The following PLXNA4 variants were observed in gnomAD, a reference collection of about 807,000 sequenced individuals.
PLXNA4 encodes the protein plexin A4, also known as plexin-A4.
Under a neutral mutation model 191.8 loss-of-function variants are expected in PLXNA4, and 44 were observed. The observed-to-expected ratio is 0.23, with a 90% CI of 0.18 to 0.29. The LOEUF is 0.29. Ranked by LOEUF, PLXNA4 falls within the 10% of genes least tolerant of loss-of-function variation. The pLI, the probability that PLXNA4 is intolerant of heterozygous loss-of-function variation, is 1.00. For missense variants in PLXNA4, 1,800 were observed against 2,488.8 expected, an observed-to-expected ratio of 0.72 and a Z score of 5.89; for synonymous variants, 1,082 against 1,009.5, an observed-to-expected ratio of 1.07 and a Z score of -1.36.
chr7:132,158,187 A>G (rs1404523246), intron 25 of PLXNA4, among the ~76,000 whole-genome samples: 1 of 152,256 alleles, frequency 6.6e-6, no homozygotes, highest in Non-Finnish European at 1.5e-5. Flanking sequence ...TAAATGAAGA[A>G]GTGAGAATTT....
chr7:132,391,637 G>A (rs574464301), intron 3 of PLXNA4, among the ~76,000 whole-genome samples: 57 of 152,312 alleles, frequency 3.7e-4, no homozygotes, highest in Admixed American at 3.4e-3. Context: ...CAGCAGGGGT[G>A]GACAGTGGGT....
At chr7:132,271,867 C>T (rs1033111195) in intron 4 of PLXNA4, among the ~76,000 whole-genome samples, 17 of 151,880 alleles carry the variant, frequency 1.1e-4, no homozygotes, top group African/African-American at 2.9e-4. Flanking sequence ...GCTCAAATTA[C>T]GTGGTGGTAA....
intron 30 of PLXNA4, among the ~76,000 whole-genome samples, chr7:132,138,272 T>C (rs553942854): frequency 6.6e-6 from 1 of 152,262 alleles, no homozygotes; most frequent in Non-Finnish European, 1.5e-5. Flanking sequence ...GAGGACTGTC[T>C]CCATTTGACC....
At chr7:132,443,194 T>G (rs1479146319) in intron 3 of PLXNA4, among the ~76,000 whole-genome samples, 1 of 152,202 alleles carries the variant, frequency 6.6e-6, no homozygotes, top group Non-Finnish European at 1.5e-5. Flanking sequence ...GATGTTCCTT[T>G]GCTGATGTTT....
At chr7:132,309,929 C>T (rs1801663753) in intron 3 of PLXNA4, among the ~76,000 whole-genome samples, 1 of 152,200 alleles carries the variant, frequency 6.6e-6, no homozygotes, top group South Asian at 2.1e-4. Context: ...TCAGAAGCAG[C>T]TTCACCTCCC....
At chr7:132,442,118 GCCTT>G (rs1322701027) in intron 3 of PLXNA4, among the ~76,000 whole-genome samples, 2 of 152,178 alleles carry the variant, frequency 1.3e-5, no homozygotes, top group Non-Finnish European at 2.9e-5. Context: ...ATCTCACGTG[GCCTT>G]CAGGGACACC....
intron 1 of PLXNA4, among the ~76,000 whole-genome samples, chr7:132,515,387 AT>A (rs1371587030): frequency 1.3e-5 from 2 of 152,060 alleles, no homozygotes; most frequent in Non-Finnish European, 2.9e-5. Flanking sequence ...GTCAAAAAAA[AT>A]TTTTCCCCTT....
Position 132,542,234 on chromosome 7 carries a change from A to G in PLXNA4, c.-86-33455T>C, listed in dbSNP as rs138644685. On this transcript the variant is annotated intron_variant, in intron 1 of 31. Transcript: ENST00000321063. ...TGATAGCAGTAGTCAAACAAGTAGG[A>G]TTAATATGGTTGACATTAAGTTTTT... is the stretch of plus-strand genomic sequence containing the variant. Among the ~76,000 whole-genome samples the G allele has an allele frequency of 9.8e-5, 15 of 152,334 alleles. No individual in the cohort carries two copies. The East Asian group carries it at 1.9e-3, about 20-fold the overall frequency.
chr7:132,598,107 C>CTT (rs199648796), intron 2 of PLXNA4, among the ~76,000 whole-genome samples: 4 of 151,282 alleles, frequency 2.6e-5, no homozygotes, highest in African/African-American at 7.3e-5. Flanking sequence ...AATATATATT[C>CTT]TTTTTTTTTG....
chr7:132,145,785 C>T (rs146350420), intron 28 of PLXNA4, among the ~76,000 whole-genome samples: 17 of 151,832 alleles, frequency 1.1e-4, no homozygotes, highest in East Asian at 3.9e-4. Flanking sequence ...GAAATGGTGC[C>T]GGAGGCCAGA....
rs777831417 is a variant in PLXNA4 at position 132,298,093 on chromosome 7, G to C, written c.1501C>G (p.Gln501Glu). 3.7e-6 allele frequency: 6 copies of C among 1,614,140 alleles called. No individual in the cohort carries two copies. Among genetic ancestry groups the C allele is most frequent in the African/African-American group, 1.3e-5 (1 of 75,038 alleles). Residue 501 changes from glutamine to glutamate, a missense_variant and splice_region_variant, in exon 4 of 32, where the codon CAG becomes GAG. Physicochemically the swap from Gln to Glu is conservative, Grantham distance 29 (BLOSUM62 2). Transcript: ENST00000321063. The stretch of plus-strand genomic sequence containing the variant: ...TAGCGGAGCCCGAAGAGCCTTACCT[G>C]CCTCTCTGACATGATGTAGAGTTGC... ...HEQLYIMSER[Q>E]LTRVPVESCG...
At chr7:132,620,533 C>G (rs1305778829) in intron 2 of PLXNA4, among the ~76,000 whole-genome samples, 1 of 152,110 alleles carries the variant, frequency 6.6e-6, no homozygotes, top group Non-Finnish European at 1.5e-5. Flanking sequence ...TCCTTAATTA[C>G]CATGTCAAGC....
In PLXNA4 at chr7:132,545,451, CT is replaced by C. The variant is rs375697095; in HGVS notation, c.-87+30970del. ...CTCATAAAAAAACACACTATAAATA[CT>C]TGTTGAATTGTTGAACTGAGAGAGC... is the stretch of plus-strand genomic sequence containing the variant. On this transcript the variant is annotated intron_variant, in intron 1 of 31. Transcript: ENST00000321063. Among the ~76,000 whole-genome samples, 15 of 152,314 alleles carry C rather than the reference CT, an allele frequency of 9.8e-5. No homozygotes were observed. In the East Asian group the frequency reaches 2.9e-3, roughly 29 times the overall value.
intron 3 of PLXNA4, among the ~76,000 whole-genome samples, chr7:132,351,369 AT>A (rs1188353282): frequency 6.6e-6 from 1 of 152,220 alleles, no homozygotes; most frequent in African/African-American, 2.4e-5. Flanking sequence ...TGCTTTTTAA[AT>A]GTTTGAGAAT....
At chr7:132,344,204 A>G (rs1214313563) in intron 3 of PLXNA4, among the ~76,000 whole-genome samples, 1 of 152,168 alleles carries the variant, frequency 6.6e-6, no homozygotes, top group Admixed American at 6.5e-5. Context: ...AAGGGGTGCC[A>G]TGACAGCCCT....
chr7:132,282,226 T>C (rs1227342096), intron 4 of PLXNA4, among the ~76,000 whole-genome samples: 3 of 152,196 alleles, frequency 2.0e-5, no homozygotes, highest in African/African-American at 7.2e-5. Context: ...TATGTATACA[T>C]GTGACATGCT....
At chr7:132,212,362 G>C (rs901110851) in intron 9 of PLXNA4, among the ~76,000 whole-genome samples, 1 of 152,154 alleles carries the variant, frequency 6.6e-6, no homozygotes, top group Non-Finnish European at 1.5e-5. Flanking sequence ...ACTGGCAGCT[G>C]TCCCTCCCAG....
At chr7:132,535,252 C>G (rs1451996668) in intron 1 of PLXNA4, among the ~76,000 whole-genome samples, 1 of 152,226 alleles carries the variant, frequency 6.6e-6, no homozygotes, top group Non-Finnish European at 1.5e-5. Flanking sequence ...CCAATGAGCG[C>G]TGATTTACTT....
chr7:132,630,510 T>C (rs1563199112), intron 2 of PLXNA4, among the ~76,000 whole-genome samples: 1 of 149,946 alleles, frequency 6.7e-6, no homozygotes, highest in African/African-American at 2.5e-5. Context: ...TTGGGTTTTT[T>C]TGTTTTTTTG....
Sources: gnomAD v4.1 joint callset for allele counts (sites outside exome capture counted in the v4.1 genomes callset) on GRCh38, gnomAD v4.1.1 for gene constraint, MANE v1.5 for transcripts, NCBI Gene and HGNC (gene_info 2026-07-23, HGNC 2026-07-21) for gene names.